P2RY6: variants seen among roughly 807,000 people sequenced by gnomAD.
The protein encoded by P2RY6 is pyrimidinergic receptor P2Y6.
A neutral mutation model predicts 16.3 loss-of-function variants in P2RY6; 19 were observed. The ratio of observed to expected loss-of-function variants is 1.16; its 90% confidence interval spans 0.81 to 1.71. The LOEUF is 1.71. Among genes scored for constraint, P2RY6 ranks in the 40% most tolerant of loss-of-function variants. The pLI is 0.00. For synonymous variants in P2RY6, 184 were observed against 201.5 expected, an observed-to-expected ratio of 0.91 and a Z score of 0.74; for missense variants, 389 against 455.5, an observed-to-expected ratio of 0.85 and a Z score of 1.33.
upstream of P2RY6, among the ~76,000 whole-genome samples, chr11:73,270,942 A>G (rs1276154779): frequency 5.9e-5 from 9 of 152,082 alleles, no homozygotes; most frequent in Non-Finnish European, 1.3e-4. Flanking sequence ...TTATGTTTCT[A>G]TATCGCTGCT....
intron 1 of P2RY6, among the ~76,000 whole-genome samples, chr11:73,275,020 C>T (rs1269596383): frequency 1.3e-5 from 2 of 152,238 alleles, no homozygotes; most frequent in African/African-American, 4.8e-5. Flanking sequence ...CCAGGGCTGG[C>T]CCTGTCATTA....
chr11:73,274,562 A>G lies in P2RY6; in HGVS notation c.-121+2096A>G, dbSNP rs544551812. Reference sequence around the variant, plus strand: ...TCTCAAAAAAAAAAAAAAAGAAAGAAAGAAAGAAAAGAAAAAGAAAAAGAA... The same window carrying G: ...TCTCAAAAAAAAAAAAAAAGAAAGAGAGAAAGAAAAGAAAAAGAAAAAGAA... On this transcript the variant is annotated intron_variant, in intron 1 of 2. Coordinates refer to ENST00000540124, the MANE Select transcript of P2RY6 (RefSeq NM_001277204.2). Among the ~76,000 whole-genome samples, 4 of 151,994 alleles carry G rather than the reference A, an allele frequency of 2.6e-5. No individual in the cohort carries two copies. The East Asian group carries it at 7.7e-4, about 29-fold the overall frequency.
chr11:73,283,032 G>A (rs1413010587), intron 1 of P2RY6, among the ~76,000 whole-genome samples: 1 of 152,176 alleles, frequency 6.6e-6, no homozygotes, highest in African/African-American at 2.4e-5. Context: ...AGTCAGGACG[G>A]GAACCCCCAG....
chr11:73,277,211 T>G (rs966495132), intron 1 of P2RY6, among the ~76,000 whole-genome samples: 4 of 152,026 alleles, frequency 2.6e-5, no homozygotes, highest in Non-Finnish European at 5.9e-5. Context: ...CCTCCCAGGT[T>G]CAAGCGATTC....
intron 1 of P2RY6, among the ~76,000 whole-genome samples, chr11:73,266,383 T>A (rs1863103632): frequency 6.6e-6 from 1 of 152,052 alleles, no homozygotes; most frequent in African/African-American, 2.4e-5. Flanking sequence ...ATGCTGGCCC[T>A]GTGTATGTGT....
At position 73,290,302 on chromosome 11, in the gene P2RY6, G is replaced by A. The variant is rs796520726; in HGVS notation, c.-120-5428G>A. ...GGAAGGAAAGAAAGAAAGAAAGAAA[G>A]AAAAGAAAGAAAGAAAGAAAGAAAG... On this transcript the variant is annotated intron_variant, in intron 1 of 2. Transcript: ENST00000540124. Among the ~76,000 whole-genome samples, 771 of 80,698 alleles carry A rather than the reference G, an allele frequency of 9.6e-3. 1 individual carries two copies. Among genetic ancestry groups the A allele is most frequent in the African/African-American group, 0.033 (676 of 20,594 alleles). The allele number at this position is 80,698 out of a possible 152,430, so 52.9% of individuals were successfully genotyped here.
chr11:73,285,625 G>A (rs1043690067), intron 1 of P2RY6, among the ~76,000 whole-genome samples: 2 of 152,318 alleles, frequency 1.3e-5, no homozygotes, highest in South Asian at 2.1e-4. Context: ...TGGTGGCCCT[G>A]GCAAGTAACT....
At chr11:73,274,038 A>C (rs1428380802) in intron 1 of P2RY6, among the ~76,000 whole-genome samples, 1 of 152,168 alleles carries the variant, frequency 6.6e-6, no homozygotes, top group East Asian at 1.9e-4. Flanking sequence ...GGGTTTTGCT[A>C]TGTTGCCCAG....
intron 1 of P2RY6, chr11:73,265,408 C>A (rs1420025384): frequency 6.6e-6 from 1 of 152,190 alleles, no homozygotes; most frequent in East Asian, 1.9e-4. Flanking sequence ...AATATTTCTG[C>A]ATATAAAAAC....
chr11:73,272,518 A>G (rs1863355589), intron 1 of P2RY6, 52 bp downstream of exon 1: 5 of 984,630 alleles, frequency 5.1e-6, no homozygotes, highest in Non-Finnish European at 6.0e-6. Flanking sequence ...CAGCTCCCCT[A>G]GGAGCTTCCT....
At chr11:73,289,823 T>C (rs1864125917) in intron 1 of P2RY6, among the ~76,000 whole-genome samples, 1 of 152,216 alleles carries the variant, frequency 6.6e-6, no homozygotes, top group Non-Finnish European at 1.5e-5. Flanking sequence ...TCACTGGCCC[T>C]TCCTGAGCCT....
intron 1 of P2RY6, chr11:73,292,883 T>C (rs1418930697): frequency 1.0e-6 from 1 of 980,070 alleles, no homozygotes; most frequent in Non-Finnish European, 1.2e-6. Context: ...CCAACACACT[T>C]GGGACCACCA....
chr11:73,296,364 G>A (rs1864480900), intron 2 of P2RY6, 121 bp from the exon 3 acceptor site: 1 of 682,122 alleles, frequency 1.5e-6, no homozygotes, highest in Non-Finnish European at 2.4e-6. Flanking sequence ...GGTTAGAGTA[G>A]CCGAGTTGAC....
intron 1 of P2RY6, among the ~76,000 whole-genome samples, chr11:73,289,988 G>GA (rs1439690656): frequency 2.0e-5 from 3 of 152,098 alleles, no homozygotes; most frequent in Non-Finnish European, 4.4e-5. Context: ...TCGCGAGGCC[G>GA]AGGCAGGTGG....
At chr11:73,288,038 T>G (rs1452286819) in intron 1 of P2RY6, among the ~76,000 whole-genome samples, 1 of 152,234 alleles carries the variant, frequency 6.6e-6, no homozygotes, top group East Asian at 1.9e-4. Context: ...TCTAACCCTC[T>G]TCATTCACAT....
chr11:73,281,309 T>C (rs867268222), intron 1 of P2RY6, among the ~76,000 whole-genome samples: 8 of 152,166 alleles, frequency 5.3e-5, no homozygotes, highest in Non-Finnish European at 1.0e-4. Context: ...GTCAAGTCTG[T>C]AAGCTCCAAG....
rs571850411 is a variant in P2RY6, at chr11:73,292,869, T to C, written c.-120-2861T>C. ...GGGAGCCTCAGGTCTGGCTTCCCTT[T>C]GCCCCAACACACTTGGGACCACCAG... On this transcript the variant is annotated intron_variant, in intron 1 of 2. Transcript: ENST00000540124. 677 of 984,556 alleles carry C rather than the reference T, an allele frequency of 6.9e-4. 4 individuals are homozygous for C. The African/African-American group carries it at 0.011, about 16-fold the overall frequency. The allele number at this position is 984,556 out of a possible 1,614,324, so 61.0% of individuals were successfully genotyped here.
Position 73,297,615 on chromosome 11 carries a change from G to T in P2RY6, c.*110G>T. The T allele has an allele frequency of 1.2e-6, 1 of 854,598 alleles. No homozygotes were observed. The highest frequency in any genetic ancestry group is 1.7e-5 in the South Asian group (1 of 57,790). 52.9% of individuals were successfully genotyped at this position (854,598 alleles called of 1,614,324 possible). ...TTAGAGTTCAGCTCAGCTGGGCATG[G>T]AGTTAAGATCCCTCACAGGACCCAG... On this transcript the variant is annotated 3_prime_UTR_variant, in exon 3 of 3. Transcript: ENST00000540124.
At position 73,296,986 on chromosome 11, in the gene P2RY6, AACCCAGTGCCTGCCC is replaced by A; in HGVS notation, c.471_485del (p.Gln158_Thr162del). ...GTGTAGCCGTGTGGCTGGCCGTGAC[AACCCAGTGCCTGCCC>A]ACAGCCATCTTCGCTGCCACAGGCA... On this transcript the variant is annotated inframe_deletion, in exon 3 of 3. Transcript: ENST00000540124. 1.2e-6 allele frequency: 2 copies of A among 1,601,682 alleles called. No individual in the cohort carries two copies. The highest frequency in any genetic ancestry group is 1.7e-6 in the Non-Finnish European group (2 of 1,179,942).
Sources: gnomAD v4.1 joint callset for allele counts (sites outside exome capture counted in the v4.1 genomes callset) on GRCh38, gnomAD v4.1.1 for gene constraint, MANE v1.5 for transcripts, NCBI Gene and HGNC (gene_info 2026-07-23, HGNC 2026-07-21) for gene names.